Variants in ZNF146 observed in about 807,000 individuals in gnomAD.
ZNF146 encodes zinc finger protein OZF.
Under a neutral mutation model 22.2 loss-of-function variants are expected in ZNF146, and 9 were observed. The ratio of observed to expected loss-of-function variants is 0.41; its 90% CI spans 0.24 to 0.71. The LOEUF (loss-of-function observed/expected upper bound fraction) is 0.71, where lower values mean the gene tolerates loss of function less well. Ranked by LOEUF, ZNF146 falls within the 30% of genes least tolerant of loss-of-function variation. The pLI is 0.34. For missense variants in ZNF146, 194 were observed against 344.8 expected (o/e 0.56, Z 3.46); for synonymous variants, 108 against 119.2 (o/e 0.91, Z 0.61).
chr19:36,219,744 A>G (rs1019325207), intron 2 of ZNF146, among the ~76,000 whole-genome samples: 4 of 152,146 alleles, frequency 2.6e-5, no homozygotes, highest in Admixed American at 2.0e-4. Context: ...GGTATTGTAA[A>G]GTGATGATTT....
intron 1 of ZNF146, among the ~76,000 whole-genome samples, chr19:36,217,007 A>G (rs1976636667): frequency 6.7e-6 from 1 of 149,578 alleles, no homozygotes; most frequent in South Asian, 2.1e-4. Context: ...TGCAGTGAGC[A>G]GAGATCCTGG....
chr19:36,221,847 TAGCATACCACA>T (rs1370099260), intron 2 of ZNF146, among the ~76,000 whole-genome samples: 1 of 151,872 alleles, frequency 6.6e-6, no homozygotes, highest in Admixed American at 6.6e-5. Flanking sequence ...ACATAAAAGA[TAGCATACCACA>T]TGCACCTCCC....
rs771140671 is a variant in ZNF146 at position 36,236,468 on chromosome 19, T to A, written c.28T>A (p.Tyr10Asn). 2.5e-6 allele frequency: 4 copies of A among 1,609,632 alleles called. No individual in the cohort carries two copies. Among genetic ancestry groups the A allele is most frequent in the African/African-American group, 2.7e-5 (2 of 74,718 alleles). The change falls in exon 4 of 4, where the codon TAC (tyrosine) becomes AAC (asparagine). Residue 10 changes from tyrosine to asparagine, a missense_variant. Physicochemically the swap from Tyr to Asn is moderately radical, Grantham distance 143 (BLOSUM62 -2). This residue lies in a region of ZNF146 where 47 missense variants were observed against 44.7 expected (regional missense o/e 1.05). Transcript: ENST00000443387. MSHLSQQRI[Y>N]SGENPFACKV... ...GTCACACCTCAGCCAGCAGAGAATT[T>A]ACAGTGGGGAAAACCCCTTTGCCTG...
chr19:36,225,466 A>G (rs1331413399), intron 2 of ZNF146, among the ~76,000 whole-genome samples: 1 of 149,732 alleles, frequency 6.7e-6, no homozygotes, highest in Non-Finnish European at 1.5e-5. Flanking sequence ...TCTTAAGTTC[A>G]TTTTGTTATG....
At chr19:36,230,643 G>T (rs1977297306) in intron 3 of ZNF146, among the ~76,000 whole-genome samples, 1 of 152,186 alleles carries the variant, frequency 6.6e-6, no homozygotes, top group African/African-American at 2.4e-5. Context: ...GGAGAAGCTT[G>T]CTGTCCTGTT....
At chr19:36,222,465 T>C (rs544117716) in intron 2 of ZNF146, among the ~76,000 whole-genome samples, 7 of 152,318 alleles carry the variant, frequency 4.6e-5, no homozygotes, top group Admixed American at 1.3e-4. Context: ...CAAATGGCGC[T>C]GCCCAGTGGG....
At position 36,236,471 on chromosome 19, in the gene ZNF146, A is replaced by G. The variant is rs912817830; in HGVS notation, c.31A>G (p.Ser11Gly). The G allele has an allele frequency of 2.5e-6, 4 of 1,609,900 alleles. No individual in the cohort carries two copies. The African/African-American group carries it at 5.4e-5, about 22-fold the overall frequency. The change falls in exon 4 of 4, where the codon AGT becomes GGT. Residue 11 changes from serine (S) to glycine (G), a missense_variant. Around this residue, in one of 2 missense-constraint regions of ZNF146, gnomAD observed 47 missense variants for 44.7 expected, o/e 1.05. Transcript: ENST00000443387. MSHLSQQRIY[S>G]GENPFACKVC... ...ACACCTCAGCCAGCAGAGAATTTAC[A>G]GTGGGGAAAACCCCTTTGCCTGTAA...
chr19:36,227,782 C>T (rs1467760684), intron 2 of ZNF146, among the ~76,000 whole-genome samples: 1 of 152,148 alleles, frequency 6.6e-6, no homozygotes, highest in Non-Finnish European at 1.5e-5. Flanking sequence ...TGAACTCCTG[C>T]ACTCAAAACG....
intron 2 of ZNF146, among the ~76,000 whole-genome samples, chr19:36,220,725 C>T (rs1976799875): frequency 2.6e-5 from 4 of 151,990 alleles, no homozygotes; most frequent in Admixed American, 2.6e-4. Context: ...ATTTTGTTTG[C>T]TTTATCCTGC....
At chr19:36,227,758 G>T (rs1230922179) in intron 2 of ZNF146, among the ~76,000 whole-genome samples, 1 of 151,990 alleles carries the variant, frequency 6.6e-6, no homozygotes, top group Non-Finnish European at 1.5e-5. Context: ...TCACTGTGTT[G>T]CCCAGCCTGG....
chr19:36,214,895 G>A (rs10419962), upstream of ZNF146: 6,007 of 152,760 alleles, frequency 0.039, 364 homozygotes, highest in African/African-American at 0.14. Flanking sequence ...TACCTCAAGA[G>A]CTCCATCGTC....
chr19:36,225,861 A>G (rs1977045508), intron 2 of ZNF146, among the ~76,000 whole-genome samples: 1 of 150,190 alleles, frequency 6.7e-6, no homozygotes, highest in Non-Finnish European at 1.5e-5. Context: ...CCCAGGCTTA[A>G]GCAGTCCTCC....
At chr19:36,220,205 G>A (rs1976773631) in intron 2 of ZNF146, among the ~76,000 whole-genome samples, 1 of 151,702 alleles carries the variant, frequency 6.6e-6, no homozygotes, top group African/African-American at 2.4e-5. Flanking sequence ...ATTGCCCAGG[G>A]GTAACATTGT....
chr19:36,215,716 C>A (rs549437440), intron 1 of ZNF146, among the ~76,000 whole-genome samples: 1 of 151,970 alleles, frequency 6.6e-6, no homozygotes, highest in East Asian at 1.9e-4. Context: ...GGGGTGCCTA[C>A]TTCAGACTAT....
chr19:36,226,231 A>G (rs1185815147), intron 2 of ZNF146, among the ~76,000 whole-genome samples: 2 of 152,188 alleles, frequency 1.3e-5, no homozygotes, highest in East Asian at 3.9e-4. Flanking sequence ...CTCTGAATGT[A>G]TAGAGTCTCA....
intron 1 of ZNF146, among the ~76,000 whole-genome samples, chr19:36,217,720 A>G (rs2022907052): frequency 6.6e-6 from 1 of 152,026 alleles, no homozygotes; most frequent in South Asian, 2.1e-4. Flanking sequence ...CCCCGTCTCT[A>G]CTAAAAATAC....
chr19:36,237,318 A>G lies in ZNF146; in HGVS notation c.878A>G (p.Ter293=), dbSNP rs1308037527. Residue 293 remains the stop codon, a stop_retained_variant, in exon 4 of 4, where the codon TAA becomes TGA. Transcript: ENST00000443387. ...HIRHQKIHTH[*] ...AGACACCAGAAAATTCATACTCACT[A>G]AAAACCCCATGAAAGCCTTGAAAGT... The G allele has an allele frequency of 2.5e-6, 4 of 1,593,968 alleles. No individual in the cohort carries two copies. The highest frequency in any genetic ancestry group is 4.5e-5 in the East Asian group (2 of 44,586).
intron 2 of ZNF146, among the ~76,000 whole-genome samples, chr19:36,225,569 G>A (rs1977028741): frequency 6.6e-6 from 1 of 151,462 alleles, no homozygotes; most frequent in African/African-American, 2.4e-5. Context: ...TTTTGTCTCA[G>A]CCTGTCAAGT....
At chr19:36,222,621 T>G (rs556639455) in intron 2 of ZNF146, among the ~76,000 whole-genome samples, 1 of 151,456 alleles carries the variant, frequency 6.6e-6, no homozygotes, top group Non-Finnish European at 1.5e-5. Context: ...TCCCTTCTTA[T>G]GAATGAGAAT....
Sources: gnomAD v4.1 joint callset for allele counts (sites outside exome capture counted in the v4.1 genomes callset) on GRCh38, gnomAD v4.1.1 for gene constraint, gnomAD v4.1.1 regional missense constraint, MANE v1.5 for transcripts, NCBI Gene and HGNC (gene_info 2026-07-23, HGNC 2026-07-21) for gene names.